DHX35: variants seen among roughly 807,000 people sequenced by gnomAD.
The protein encoded by DHX35 is probable ATP-dependent RNA helicase DHX35.
DHX35 carries 84 observed loss-of-function variants against 99.6 expected under a neutral mutation model. The ratio of observed to expected loss-of-function variants is 0.84; its 90% confidence interval spans 0.71 to 1.01. The LOEUF (loss-of-function observed/expected upper bound fraction) is 1.01, where lower values mean the gene tolerates loss of function less well. Among genes scored for constraint, DHX35 ranks in the 50% least tolerant of loss-of-function variants. The pLI, the probability that DHX35 is intolerant of heterozygous loss-of-function variation, is 0.00. For synonymous variants in DHX35, 331 were observed against 316.2 expected (o/e 1.05, Z -0.50); for missense variants, 852 against 888.5 (o/e 0.96, Z 0.52).
intron 20 of DHX35, among the ~76,000 whole-genome samples, chr20:39,032,091 T>G (rs1476884477): frequency 6.6e-6 from 1 of 152,242 alleles, no homozygotes; most frequent in African/African-American, 2.4e-5. Context: ...ATTTCATTTT[T>G]CTAGAATTCA....
At chr20:39,026,383 A>G (rs922830160) in intron 18 of DHX35, among the ~76,000 whole-genome samples, 1 of 152,218 alleles carries the variant, frequency 6.6e-6, no homozygotes, top group Non-Finnish European at 1.5e-5. Context: ...TCTTTATACT[A>G]AGAGCAAGTG....
At chr20:39,003,004 G>T (rs2086546780) in intron 10 of DHX35, 136 bp downstream of exon 10, 1 of 762,704 alleles carries the variant, frequency 1.3e-6, no homozygotes, top group Non-Finnish European at 2.1e-6. Context: ...GTAGAAAATT[G>T]ATTTGATGTC....
At chr20:38,999,625 G>A (rs1050946343) in intron 8 of DHX35, among the ~76,000 whole-genome samples, 2 of 152,190 alleles carry the variant, frequency 1.3e-5, no homozygotes, top group Non-Finnish European at 2.9e-5. Context: ...CAATGTGCAC[G>A]TGTGTGCACG....
At chr20:38,978,334 T>C in intron 3 of DHX35, 1 of 748,440 alleles carries the variant, frequency 1.3e-6, no homozygotes, top group Admixed American at 1.7e-5. Context: ...CACCTTAAAG[T>C]GATCATCTTT....
intron 4 of DHX35, among the ~76,000 whole-genome samples, chr20:38,987,951 G>A (rs914122370): frequency 3.9e-5 from 6 of 152,058 alleles, no homozygotes; most frequent in Non-Finnish European, 5.9e-5. Context: ...TTTTGCCTTC[G>A]ATGAGAAAAT....
intron 12 of DHX35, among the ~76,000 whole-genome samples, chr20:39,009,690 T>G (rs955580431): frequency 1.3e-5 from 2 of 152,176 alleles, no homozygotes; most frequent in Admixed American, 6.5e-5. Flanking sequence ...CCTTCCTGTC[T>G]TGGGATCTCT....
chr20:38,972,309 C>T (rs906398527), intron 2 of DHX35, among the ~76,000 whole-genome samples: 32 of 147,552 alleles, frequency 2.2e-4, no homozygotes, highest in African/African-American at 7.9e-4. Flanking sequence ...CCTCACCCGG[C>T]CTATAATTTC....
intron 6 of DHX35, among the ~76,000 whole-genome samples, chr20:38,991,874 A>G (rs781315943): frequency 1.3e-5 from 2 of 152,086 alleles, no homozygotes; most frequent in Non-Finnish European, 2.9e-5. Context: ...CTCTTTGTCT[A>G]TCTGTCTGTC....
At chr20:39,034,407 A>G (rs1379548089) in intron 21 of DHX35, 90 bp downstream of exon 21, 3 of 1,091,250 alleles carry the variant, frequency 2.7e-6, no homozygotes, top group South Asian at 1.3e-5. Flanking sequence ...TTAATGCCCT[A>G]TGTGTGTTCC....
intron 21 of DHX35, among the ~76,000 whole-genome samples, chr20:39,037,773 C>G (rs1454427659): frequency 6.6e-6 from 1 of 152,230 alleles, no homozygotes; most frequent in Non-Finnish European, 1.5e-5. Context: ...TTTACACACT[C>G]TGCCTCAAAG....
Position 38,992,409 on chromosome 20 carries a change from T to G in DHX35, c.566T>G (p.Ile189Ser), listed in dbSNP as rs36053162. The stretch of plus-strand genomic sequence containing the variant: ...AGGACCTTGTACACTGACATTGCCA[T>G]TGGCTTGCTAAAAAAGGTATGACTT... ...HERTLYTDIA[I>S]GLLKKIQKKR... The change falls in exon 7 of 22, where the codon ATT (isoleucine) becomes AGT (serine). Residue 189 changes from isoleucine (I) to serine (S), a missense_variant. Ile to Ser is a moderately radical substitution (Grantham distance 142, BLOSUM62 -2). Transcript: ENST00000252011. 4 of 1,613,982 alleles carry G rather than the reference T, an allele frequency of 2.5e-6. No individual in the cohort carries two copies. The highest frequency in any genetic ancestry group is 3.3e-4 in the Middle Eastern group (2 of 6,084).
At chr20:38,963,819 TG>T (rs2085870924) in intron 1 of DHX35, among the ~76,000 whole-genome samples, 1 of 152,234 alleles carries the variant, frequency 6.6e-6, no homozygotes, top group African/African-American at 2.4e-5. Flanking sequence ...CTCTCTTAAT[TG>T]AATATAAAGT....
chr20:38,992,251 A>T (rs577370911), intron 6 of DHX35, 105 bp from the exon 7 acceptor site: 1 of 888,852 alleles, frequency 1.1e-6, no homozygotes, highest in Non-Finnish European at 1.8e-6. Flanking sequence ...TTTTGATGCA[A>T]AGTGATTGTA....
intron 17 of DHX35, 42 bp downstream of exon 17, chr20:39,023,809 C>A: frequency 6.5e-7 from 1 of 1,532,820 alleles, no homozygotes; most frequent in South Asian, 1.1e-5. Flanking sequence ...CAACACACCA[C>A]CCTCTGGAGG....
intron 19 of DHX35, 92 bp downstream of exon 19, chr20:39,028,591 A>G (rs920557628): frequency 2.2e-6 from 3 of 1,371,208 alleles, no homozygotes; most frequent in African/African-American, 1.4e-5. Context: ...TAGTAATTGC[A>G]TAATTATTTG....
intron 15 of DHX35, among the ~76,000 whole-genome samples, chr20:39,019,484 T>C (rs2086839147): frequency 6.6e-6 from 1 of 152,234 alleles, no homozygotes; most frequent in South Asian, 2.1e-4. Flanking sequence ...GATACACAAA[T>C]ATCATTTTGA....
At chr20:39,008,279 A>AT (rs769819057) in intron 12 of DHX35, among the ~76,000 whole-genome samples, 3 of 152,220 alleles carry the variant, frequency 2.0e-5, no homozygotes, top group Non-Finnish European at 2.9e-5. Flanking sequence ...TTATTCATTT[A>AT]TTAGTTGTGG....
intron 7 of DHX35, among the ~76,000 whole-genome samples, chr20:38,992,991 T>C (rs933327994): frequency 6.6e-6 from 1 of 152,226 alleles, no homozygotes; most frequent in African/African-American, 2.4e-5. Context: ...GTACCCTTCA[T>C]CTGGCTTCAA....
intron 10 of DHX35, among the ~76,000 whole-genome samples, chr20:39,003,347 C>T (rs1378474265): frequency 6.6e-6 from 1 of 152,364 alleles, no homozygotes; most frequent in East Asian, 1.9e-4. Context: ...ATCTTTTCCA[C>T]TGCCAAACAC....
Sources: gnomAD v4.1 joint callset for allele counts (sites outside exome capture counted in the v4.1 genomes callset) on GRCh38, gnomAD v4.1.1 for gene constraint, MANE v1.5 for transcripts, NCBI Gene and HGNC (gene_info 2026-07-23, HGNC 2026-07-21) for gene names.